WLS: variants seen among roughly 807,000 people sequenced by gnomAD.
WLS encodes protein wntless homolog.
Under a neutral mutation model 62.8 loss-of-function variants are expected in WLS, and 23 were observed. The ratio of observed to expected loss-of-function variants is 0.37; its 90% CI spans 0.26 to 0.52. WLS has a LOEUF of 0.52. Among genes scored for constraint, WLS ranks in the 20% least tolerant of loss-of-function variants. The pLI is 0.92. For missense variants in WLS, 615 were observed against 697.3 expected (o/e 0.88, Z 1.33); for synonymous variants, 246 against 244.1 (o/e 1.01, Z -0.07).
At chr1:68,117,971 A>AG (rs1334346726) in intron 11 of WLS, among the ~76,000 whole-genome samples, 3 of 123,624 alleles carry the variant, frequency 2.4e-5, no homozygotes, top group East Asian at 2.7e-4. Context: ...TGAATTGATG[A>AG]GAAAAAAAAA....
chr1:68,159,195 C>T lies in WLS; in HGVS notation c.432G>A (p.Ala144=), dbSNP rs3748705. Residue 144 remains alanine (A), a synonymous_variant, in exon 3 of 12, where the codon GCG becomes GCA. Coordinates refer to ENST00000262348, the MANE Select transcript of WLS (RefSeq NM_024911.7). Reference sequence around the variant, plus strand: ...GGGCCATTTCAGTCCACTCAGCAAACGCGTCATCACGGTAAGCCAGGGAAA... The same window carrying T: ...GGGCCATTTCAGTCCACTCAGCAAATGCGTCATCACGGTAAGCCAGGGAAA... ...MDVSLAYRDD[A]FAEWTEMAHE... is the part of the protein sequence containing the mutation. 560,808 of 1,613,290 alleles carry T rather than the reference C, an allele frequency of 0.35. 99,287 individuals carry two copies. Among genetic ancestry groups the T allele is most frequent in the East Asian group, 0.43 (19,430 of 44,824 alleles).
chr1:68,158,858 A>C (rs1646934918), intron 3 of WLS, among the ~76,000 whole-genome samples: 1 of 152,216 alleles, frequency 6.6e-6, no homozygotes, highest in Non-Finnish European at 1.5e-5. Flanking sequence ...TTTAGGAAAA[A>C]AATGGCTAAA....
At chr1:68,120,267 T>A (rs1242066195) in intron 11 of WLS, among the ~76,000 whole-genome samples, 1 of 152,188 alleles carries the variant, frequency 6.6e-6, no homozygotes, top group Non-Finnish European at 1.5e-5. Context: ...GGACCAGAAC[T>A]TACTGAAAAG....
At chr1:68,115,390 G>C (rs1190474647) in intron 11 of WLS, among the ~76,000 whole-genome samples, 1 of 152,210 alleles carries the variant, frequency 6.6e-6, no homozygotes, top group Non-Finnish European at 1.5e-5. Flanking sequence ...CTAGGAATTC[G>C]CCATTCTTCA....
chr1:68,205,733 A>G (rs1351650328), intron 1 of WLS, among the ~76,000 whole-genome samples: 3 of 152,224 alleles, frequency 2.0e-5, no homozygotes, highest in African/African-American at 4.8e-5. Flanking sequence ...TACCAGAGAA[A>G]AAGCAAACAC....
chr1:68,204,613 AT>A (rs1557519184), intron 1 of WLS, among the ~76,000 whole-genome samples: 1 of 152,064 alleles, frequency 6.6e-6, no homozygotes. Flanking sequence ...GGCCGGAAAT[AT>A]TTTTTTAAAA....
chr1:68,109,250 G>A (rs1438750707), intron 11 of WLS, among the ~76,000 whole-genome samples: 1 of 152,178 alleles, frequency 6.6e-6, no homozygotes, highest in African/African-American at 2.4e-5. Flanking sequence ...CTATAGGTGG[G>A]TAACCCTCTG....
At chr1:68,150,421 C>A (rs931652574) in intron 5 of WLS, 65 bp from the exon 6 acceptor site, 12 of 1,588,698 alleles carry the variant, frequency 7.6e-6, no homozygotes, top group Non-Finnish European at 1.0e-5. Flanking sequence ...TCAAACAATT[C>A]CCCGAATTCA....
intron 1 of WLS, among the ~76,000 whole-genome samples, chr1:68,200,318 A>G (rs1334307613): frequency 2.6e-5 from 4 of 152,196 alleles, no homozygotes; most frequent in Non-Finnish European, 4.4e-5. Flanking sequence ...TGCCAGCACC[A>G]TCTCTCCACC....
Position 68,100,094 on chromosome 1 carries a change from A to C in WLS, c.1511-1341T>G, listed in dbSNP as rs893938669. On this transcript the variant is annotated intron_variant, in intron 11 of 11. Coordinates refer to the WLS transcript ENST00000354777. Reference sequence around the variant, plus strand: ...AGTTTTTCTCACTAATAGATGTGGAATTGAATTACCTAGATTGAAAACTCA... The same window carrying C: ...AGTTTTTCTCACTAATAGATGTGGACTTGAATTACCTAGATTGAAAACTCA... Among the ~76,000 whole-genome samples, 7 of 152,250 alleles carry C rather than the reference A, an allele frequency of 4.6e-5. No homozygotes were observed. In the South Asian group the frequency reaches 8.3e-4, roughly 18 times the overall value.
intron 11 of WLS, among the ~76,000 whole-genome samples, chr1:68,118,170 C>T (rs941398069): frequency 3.3e-5 from 5 of 152,142 alleles, no homozygotes; most frequent in African/African-American, 1.2e-4. Flanking sequence ...AAAAGTTGAG[C>T]TACCCGTGTA....
In WLS at chr1:68,125,689, C is replaced by T; in HGVS notation, c.*537G>A. 1 of 985,654 alleles carries T rather than the reference C, an allele frequency of 1.0e-6. No homozygotes were observed. The highest frequency in any genetic ancestry group is 1.2e-6 in the Non-Finnish European group (1 of 830,114). The allele number at this position is 985,654 out of a possible 1,614,324, so 61.1% of individuals were successfully genotyped here. ...TATATTATGCCACAAAACAGGGACA[C>T]TTATCTATTGACAACTTAAATATTA... On this transcript the variant is annotated 3_prime_UTR_variant, in exon 12 of 12. Coordinates refer to ENST00000262348, the MANE Select transcript of WLS (RefSeq NM_024911.7).
At chr1:68,140,859 G>A (rs1646675196) in intron 10 of WLS, among the ~76,000 whole-genome samples, 1 of 152,022 alleles carries the variant, frequency 6.6e-6, no homozygotes. Flanking sequence ...GTACCACAAT[G>A]AGCAGCCTCA....
At chr1:68,126,410 C>A in intron 11 of WLS, 75 bp from the exon 12 acceptor site, 1 of 1,578,146 alleles carries the variant, frequency 6.3e-7, no homozygotes, top group Admixed American at 1.8e-5. Flanking sequence ...TCATGGACAA[C>A]TGCCCTGATG....
intron 1 of WLS, chr1:68,202,765 GGCTATGATGTCAGAAACCCA>G (rs1649092108): frequency 6.6e-6 from 1 of 152,064 alleles, no homozygotes; most frequent in Non-Finnish European, 1.5e-5. Context: ...TACTACCTTG[GGCTATGATGTCAGAAACCCA>G]GCATGGAGGG....
intron 11 of WLS, among the ~76,000 whole-genome samples, chr1:68,099,139 G>A (rs962713276): frequency 2.6e-5 from 4 of 152,016 alleles, no homozygotes; most frequent in Non-Finnish European, 5.9e-5. Context: ...AGGCACTGGG[G>A]GATACAGCAA....
chr1:68,180,603 C>T (rs992410874), intron 2 of WLS, among the ~76,000 whole-genome samples: 1 of 152,158 alleles, frequency 6.6e-6, no homozygotes, highest in African/African-American at 2.4e-5. Context: ...CATGTGCCTG[C>T]TCTTTTGACC....
chr1:68,188,359 T>C (rs141764968), intron 2 of WLS, among the ~76,000 whole-genome samples: 1 of 152,230 alleles, frequency 6.6e-6, no homozygotes, highest in African/African-American at 2.4e-5. Flanking sequence ...AGAAGAATGA[T>C]ACAATCCAGT....
chr1:68,196,357 G>T (rs1003916478), intron 1 of WLS, among the ~76,000 whole-genome samples: 23 of 151,908 alleles, frequency 1.5e-4, no homozygotes, highest in Non-Finnish European at 2.9e-5. Context: ...TTGAAAGTTA[G>T]TAGTTAAAAG....
Sources: gnomAD v4.1 joint callset for allele counts (sites outside exome capture counted in the v4.1 genomes callset) on GRCh38, gnomAD v4.1.1 for gene constraint, MANE v1.5 for transcripts, NCBI Gene and HGNC (gene_info 2026-07-23, HGNC 2026-07-21) for gene names.